Variants in IBTK observed in about 807,000 individuals in gnomAD.
The protein encoded by IBTK is BTK-binding protein.
A neutral mutation model predicts 154.9 loss-of-function variants in IBTK; 83 were observed. The ratio of observed to expected loss-of-function variants is 0.54; its 90% CI spans 0.45 to 0.64. The LOEUF (loss-of-function observed/expected upper bound fraction) is 0.64. IBTK is among the 30% of genes least tolerant of loss of function. The probability of loss-of-function intolerance (pLI) is 0.00; values close to 1 mark genes in which losing one functional copy is unlikely to be tolerated. For synonymous variants in IBTK, 515 were observed against 536.1 expected, an observed-to-expected ratio of 0.96 and a Z score of 0.54; for missense variants, 1,332 against 1,584.6, an observed-to-expected ratio of 0.84 and a Z score of 2.71.
At chr6:82,178,846 G>C (rs1183941077) in intron 26 of IBTK, among the ~76,000 whole-genome samples, 1 of 152,182 alleles carries the variant, frequency 6.6e-6, no homozygotes, top group Non-Finnish European at 1.5e-5. Flanking sequence ...TAAGGAGGTG[G>C]AAAGAAGGAA....
At chr6:82,192,492 A>T (rs996071806) in intron 23 of IBTK, among the ~76,000 whole-genome samples, 5 of 152,176 alleles carry the variant, frequency 3.3e-5, no homozygotes, top group Non-Finnish European at 5.9e-5. Context: ...CAAGCCTGTA[A>T]TCCCAGTACT....
At chr6:82,233,357 C>CT (rs1770588983) in intron 3 of IBTK, among the ~76,000 whole-genome samples, 5 of 151,944 alleles carry the variant, frequency 3.3e-5, no homozygotes. Context: ...TGATAATTTC[C>CT]AGAGACCCTA....
intron 16 of IBTK, among the ~76,000 whole-genome samples, chr6:82,208,381 G>GAAA (rs1235466723): frequency 6.6e-6 from 1 of 152,002 alleles, no homozygotes; most frequent in Non-Finnish European, 1.5e-5. Flanking sequence ...AAAACATACA[G>GAAA]GGTAATCATC....
chr6:82,232,949 T>A (rs1357280306), intron 3 of IBTK, among the ~76,000 whole-genome samples: 1 of 152,052 alleles, frequency 6.6e-6, no homozygotes, highest in Non-Finnish European at 1.5e-5. Context: ...GGTCAGGAGT[T>A]CGAGACCAAC....
chr6:82,224,751 C>T (rs1363950278), intron 6 of IBTK, among the ~76,000 whole-genome samples: 4 of 152,126 alleles, frequency 2.6e-5, no homozygotes, highest in African/African-American at 9.7e-5. Flanking sequence ...TTTACTGAAG[C>T]AAATAAAACT....
intron 9 of IBTK, among the ~76,000 whole-genome samples, chr6:82,219,658 CTTT>C (rs1161141852): frequency 8.2e-6 from 1 of 121,632 alleles, no homozygotes; most frequent in Non-Finnish European, 1.6e-5. Context: ...AGAAAATAAT[CTTT>C]TTAAATATTT....
intron 18 of IBTK, among the ~76,000 whole-genome samples, 197 bp downstream of exon 18, chr6:82,202,331 T>A (rs2127808561): frequency 6.6e-6 from 1 of 152,324 alleles, no homozygotes; most frequent in Non-Finnish European, 1.5e-5. Flanking sequence ...TTTAAAAAGA[T>A]CACTGTTAAA....
At chr6:82,200,753 G>GTTTTTT (rs138809525) in intron 19 of IBTK, 45 bp from the exon 20 acceptor site, 643 of 393,274 alleles carry the variant, frequency 1.6e-3, no homozygotes, top group South Asian at 4.8e-3. Flanking sequence ...AATCTGTGAA[G>GTTTTTT]TTTTTTTTTT....
At chr6:82,245,819 A>G (rs1346137995) in intron 1 of IBTK, among the ~76,000 whole-genome samples, 1 of 152,170 alleles carries the variant, frequency 6.6e-6, no homozygotes, top group Non-Finnish European at 1.5e-5. Context: ...TCTTGAATTG[A>G]CAAGATGTGG....
chr6:82,212,026 G>A (rs1159378079), intron 13 of IBTK, among the ~76,000 whole-genome samples: 1 of 151,776 alleles, frequency 6.6e-6, no homozygotes, highest in Non-Finnish European at 1.5e-5. Flanking sequence ...ACGGGGTCTC[G>A]TTCTGCCACC....
In IBTK at chr6:82,214,116, C is replaced by T. The variant is rs190950938; in HGVS notation, c.2204+111G>A. ...GACTACAGGCGCCCGCCACCACACC[C>T]GGCTAATTTTTTGTATTTTTAGTAG... On this transcript the variant is annotated intron_variant, in intron 12 of 28. Coordinates refer to ENST00000306270, the MANE Select transcript of IBTK (RefSeq NM_015525.4). The T allele has an allele frequency of 1.5e-3, 1,620 of 1,065,070 alleles. 13 individuals are homozygous for T. The African/African-American group carries it at 0.023, about 15-fold the overall frequency. 66.0% of individuals were successfully genotyped at this position (1,065,070 alleles called of 1,614,324 possible).
At chr6:82,192,995 G>A (rs1397189247) in intron 23 of IBTK, among the ~76,000 whole-genome samples, 1 of 151,844 alleles carries the variant, frequency 6.6e-6, no homozygotes, top group African/African-American at 2.4e-5. Flanking sequence ...CTACTCGGGA[G>A]GTTGAGGCAG....
chr6:82,241,550 A>T (rs761894059), intron 1 of IBTK, among the ~76,000 whole-genome samples: 1 of 152,238 alleles, frequency 6.6e-6, no homozygotes, highest in Non-Finnish European at 1.5e-5. Context: ...ATCTTATACC[A>T]ATATAAATTC....
At chr6:82,239,538 T>C (rs768372841) in intron 2 of IBTK, among the ~76,000 whole-genome samples, 2 of 152,200 alleles carry the variant, frequency 1.3e-5, no homozygotes, top group East Asian at 1.9e-4. Flanking sequence ...AAAATACTAA[T>C]TGAGATGCCA....
rs376115086 is a variant in IBTK, at chr6:82,194,434, G to T, written c.3338+45C>A. ...AAATTAAATTGCATTAAAAATGAATGACATTTCTCAAACTAACAGTTATAG... is the reference window on the plus strand; with the variant it reads ...AAATTAAATTGCATTAAAAATGAATTACATTTCTCAAACTAACAGTTATAG... On this transcript the variant is annotated intron_variant, in intron 23 of 28. Coordinates refer to ENST00000306270, the MANE Select transcript of IBTK (RefSeq NM_015525.4). 16 of 1,207,420 alleles carry T rather than the reference G, an allele frequency of 1.3e-5. No homozygotes were observed. In the African/African-American group the frequency reaches 2.0e-4, roughly 15 times the overall value. 74.8% of individuals were successfully genotyped at this position (1,207,420 alleles called of 1,614,324 possible).
Position 82,223,594 on chromosome 6 carries a change from T to C in IBTK, c.970A>G (p.Lys324Glu), listed in dbSNP as rs770378004. ...ACCTGACGAGGAGCAGTTACACACT[T>C]TTCTCCATTGGGATCTAGCAAACAA... is the stretch of plus-strand genomic sequence containing the variant. ...LGCLLDPNGE[K>E]CVTAPRQVSA... is the part of the protein sequence containing the mutation. The change falls in exon 8 of 29, where the codon AAG (lysine) becomes GAG (glutamate). Residue 324 changes from lysine to glutamate, a missense_variant. Coordinates refer to ENST00000306270, the MANE Select transcript of IBTK (RefSeq NM_015525.4). The C allele has an allele frequency of 6.2e-7, 1 of 1,613,018 alleles. No homozygotes were observed. Among genetic ancestry groups the C allele is most frequent in the African/African-American group, 1.3e-5 (1 of 74,886 alleles).
rs371384846 is a variant in IBTK at position 82,231,292 on chromosome 6, T to C, written c.543+426A>G. ...AGTGTGTTGTTTTCTAAATTGAAAT[T>C]ATTTTATTTTTTAATGCCACCAAAA... On this transcript the variant is annotated intron_variant, in intron 4 of 28. Transcript: ENST00000306270. 4.0e-5 allele frequency among the ~76,000 whole-genome samples: 6 copies of C among 148,912 alleles called. No homozygotes were observed. In the East Asian group the frequency reaches 9.8e-4, roughly 24 times the overall value.
intron 16 of IBTK, among the ~76,000 whole-genome samples, chr6:82,207,866 GACAT>G (rs1206994051): frequency 6.6e-6 from 1 of 152,038 alleles, no homozygotes; most frequent in Admixed American, 6.6e-5. Context: ...CAAAAAATAG[GACAT>G]ACAGATGTAA....
In IBTK at chr6:82,196,384, A is replaced by T; in HGVS notation, c.3088T>A (p.Ser1030Thr). The change falls in exon 22 of 29, where the codon TCT (serine) becomes ACT (threonine). Residue 1030 changes from serine (S) to threonine (T), a missense_variant. This residue lies in a region of IBTK where 1,134 missense variants were observed against 1,274.7 expected (regional missense o/e 0.89). Coordinates refer to ENST00000306270, the MANE Select transcript of IBTK (RefSeq NM_015525.4). Reference sequence around the variant, plus strand: ...CCCACTCCTGCATAGCTTCCTTCAGAGTCTGATGTCAACAGTTCTGGAAGA... The same window carrying T: ...CCCACTCCTGCATAGCTTCCTTCAGTGTCTGATGTCAACAGTTCTGGAAGA... ...ESLPELLTSD[S>T]EGSYAGVGSP... 1 of 1,612,908 alleles carries T rather than the reference A, an allele frequency of 6.2e-7. No individual in the cohort carries two copies. The highest frequency in any genetic ancestry group is 8.5e-7 in the Non-Finnish European group (1 of 1,179,154).
Sources: allele counts gnomAD v4.1 joint callset (sites outside exome capture counted in the v4.1 genomes callset), GRCh38; gene constraint gnomAD v4.1.1; regional missense constraint gnomAD v4.1.1; transcripts MANE v1.5; gene names NCBI Gene and HGNC (gene_info 2026-07-23, HGNC 2026-07-21).